The following ADAMTSL1 variants were observed in gnomAD, a reference collection of about 807,000 sequenced individuals.
The protein encoded by ADAMTSL1 is ADAMTS-like protein 1.
Under a neutral mutation model 201.8 loss-of-function variants are expected in ADAMTSL1, and 126 were observed. The ratio of observed to expected loss-of-function variants is 0.62; its 90% confidence interval spans 0.54 to 0.72. ADAMTSL1 has a LOEUF of 0.72. Among genes scored for constraint, ADAMTSL1 ranks in the 30% least tolerant of loss-of-function variants. ADAMTSL1 has a pLI of 0.00. For synonymous variants in ADAMTSL1, 1,121 were observed against 903.4 expected, an observed-to-expected ratio of 1.24 and a Z score of -4.32; for missense variants, 2,679 against 2,277.8, an observed-to-expected ratio of 1.18 and a Z score of -3.59.
At chr9:18,778,538 A>G (rs1821199501) in intron 19 of ADAMTSL1, among the ~76,000 whole-genome samples, 1 of 152,230 alleles carries the variant, frequency 6.6e-6, no homozygotes, top group Non-Finnish European at 1.5e-5. Flanking sequence ...ATAGCCATTC[A>G]TAATGTAGAA....
chr9:17,945,904 C>T (rs1030810543), intron 1 of ADAMTSL1, among the ~76,000 whole-genome samples: 1 of 151,390 alleles, frequency 6.6e-6, no homozygotes, highest in East Asian at 1.9e-4. Context: ...CAGCATGGCA[C>T]ATGTATACAT....
At chr9:18,755,820 C>A (rs1439141346) in intron 16 of ADAMTSL1, among the ~76,000 whole-genome samples, 2 of 151,978 alleles carry the variant, frequency 1.3e-5, no homozygotes, top group Non-Finnish European at 2.9e-5. Flanking sequence ...TAAGTTCATT[C>A]TTCAGGTTGG....
intron 1 of ADAMTSL1, among the ~76,000 whole-genome samples, chr9:18,023,966 G>T (rs1004387053): frequency 6.6e-6 from 1 of 151,974 alleles, no homozygotes; most frequent in Non-Finnish European, 1.5e-5. Flanking sequence ...TTCAATTAAA[G>T]TACTTTTCTT....
At chr9:18,269,771 G>C (rs1243293097) in intron 2 of ADAMTSL1, among the ~76,000 whole-genome samples, 4 of 151,386 alleles carry the variant, frequency 2.6e-5, no homozygotes, top group Admixed American at 6.6e-5. Context: ...GCCTTTCCCA[G>C]AACTTGAAAC....
At chr9:18,502,616 T>G (rs1822901798) in intron 1 of ADAMTSL1, among the ~76,000 whole-genome samples, 1 of 152,178 alleles carries the variant, frequency 6.6e-6, no homozygotes, top group Non-Finnish European at 1.5e-5. Context: ...AAAACCAGGC[T>G]TTGGAGCTCA....
chr9:18,832,257 C>G (rs1825033453), intron 23 of ADAMTSL1, among the ~76,000 whole-genome samples: 1 of 152,160 alleles, frequency 6.6e-6, no homozygotes, highest in Non-Finnish European at 1.5e-5. Flanking sequence ...TGGCTCCCAT[C>G]TGGACAAGCT....
intron 23 of ADAMTSL1, among the ~76,000 whole-genome samples, chr9:18,883,385 T>G (rs1007750905): frequency 2.0e-5 from 3 of 152,230 alleles, no homozygotes; most frequent in African/African-American, 7.2e-5. Flanking sequence ...TCTCTTGTGG[T>G]CTAGGTTTGG....
intron 21 of ADAMTSL1, among the ~76,000 whole-genome samples, chr9:18,825,547 A>G (rs1353598650): frequency 6.6e-6 from 1 of 151,992 alleles, no homozygotes; most frequent in Non-Finnish European, 1.5e-5. Context: ...TGTCTAGTTC[A>G]TACATATATT....
chr9:18,303,769 G>A (rs973286549), intron 2 of ADAMTSL1, among the ~76,000 whole-genome samples: 4 of 152,190 alleles, frequency 2.6e-5, no homozygotes, highest in African/African-American at 9.7e-5. Context: ...TGGTTTTATG[G>A]CCATTAATGG....
intron 1 of ADAMTSL1, among the ~76,000 whole-genome samples, chr9:18,010,462 G>A (rs1048356992): frequency 6.6e-6 from 1 of 151,994 alleles, no homozygotes; most frequent in African/African-American, 2.4e-5. Flanking sequence ...GTCTAATTCT[G>A]TAAAATACTT....
At chr9:18,393,046 T>A (rs1248210076) in intron 2 of ADAMTSL1, among the ~76,000 whole-genome samples, 3 of 152,210 alleles carry the variant, frequency 2.0e-5, no homozygotes, top group African/African-American at 7.2e-5. Context: ...AATTTTCTCT[T>A]AGAGTGCTTA....
chr9:18,619,980 G>A (rs1427941765), intron 4 of ADAMTSL1, among the ~76,000 whole-genome samples: 1 of 149,606 alleles, frequency 6.7e-6, no homozygotes, highest in African/African-American at 2.5e-5. Context: ...CAAAGGATTT[G>A]GTCCCTCCAA....
At chr9:18,537,540 T>G (rs553205571) in intron 3 of ADAMTSL1, among the ~76,000 whole-genome samples, 280 of 152,208 alleles carry the variant, frequency 1.8e-3, no homozygotes, top group Admixed American at 4.1e-3. Context: ...TGCAGGACAC[T>G]GTAAAGTACT....
chr9:17,948,265 T>C (rs1376869957), intron 1 of ADAMTSL1, among the ~76,000 whole-genome samples: 1 of 152,240 alleles, frequency 6.6e-6, no homozygotes, highest in Admixed American at 6.5e-5. Flanking sequence ...AACTCCTCTC[T>C]GCATGTTCTT....
intron 1 of ADAMTSL1, among the ~76,000 whole-genome samples, chr9:17,920,766 G>A (rs944008485): frequency 6.6e-6 from 1 of 152,206 alleles, no homozygotes; most frequent in Non-Finnish European, 1.5e-5. Flanking sequence ...GGCTTTGTGG[G>A]CTATACGGTC....
At chr9:18,629,081 T>A (rs574865394) in intron 5 of ADAMTSL1, among the ~76,000 whole-genome samples, 4 of 152,344 alleles carry the variant, frequency 2.6e-5, no homozygotes, top group African/African-American at 9.6e-5. Flanking sequence ...CACAGAAACA[T>A]GATTGATTTT....
chr9:18,423,118 G>A (rs1434648699), intron 2 of ADAMTSL1, among the ~76,000 whole-genome samples: 1 of 152,032 alleles, frequency 6.6e-6, no homozygotes, highest in South Asian at 2.1e-4. Flanking sequence ...GAGGCCTTTC[G>A]CTGGTGACCT....
chr9:18,155,757 T>G (rs1193694160), intron 1 of ADAMTSL1, among the ~76,000 whole-genome samples: 1 of 151,964 alleles, frequency 6.6e-6, no homozygotes, highest in Non-Finnish European at 1.5e-5. Context: ...TCGTGGAGAC[T>G]GGGTGGCCTG....
chr9:18,732,938 A>T (rs1818298090), intron 15 of ADAMTSL1, among the ~76,000 whole-genome samples: 1 of 152,318 alleles, frequency 6.6e-6, no homozygotes, highest in African/African-American at 2.4e-5. Context: ...CCACAATTTT[A>T]TGAGAATGAT....
Sources: gnomAD v4.1 joint callset for allele counts (sites outside exome capture counted in the v4.1 genomes callset) on GRCh38, gnomAD v4.1.1 for gene constraint, MANE v1.5 for transcripts, NCBI Gene and HGNC (gene_info 2026-07-23, HGNC 2026-07-21) for gene names.